Variants in MRTFB observed in about 807,000 individuals in gnomAD.
The protein encoded by MRTFB is myocardin-related transcription factor B.
MRTFB carries 29 observed loss-of-function variants against 104.2 expected under a neutral mutation model. The ratio of observed to expected loss-of-function variants is 0.28; its 90% CI spans 0.21 to 0.38. MRTFB has a LOEUF of 0.38. Ranked by LOEUF, MRTFB falls within the 10% of genes least tolerant of loss-of-function variation. The pLI, the probability that MRTFB is intolerant of heterozygous loss-of-function variation, is 1.00. For synonymous variants in MRTFB, 535 were observed against 519.5 expected, an observed-to-expected ratio of 1.03 and a Z score of -0.41; for missense variants, 1,270 against 1,341.6, an observed-to-expected ratio of 0.95 and a Z score of 0.83.
At chr16:14,200,508 G>C in intron 3 of MRTFB, 1 of 1,610,480 alleles carries the variant, frequency 6.2e-7, no homozygotes, top group African/African-American at 1.3e-5. Context: ...ATCATCGTCT[G>C]TCTTCTCTGT....
In MRTFB at chr16:14,266,366, C is replaced by G. The variant is rs899934350; in HGVS notation, c.*4922C>G. 6.6e-6 allele frequency: 1 copy of G among 152,126 alleles called. No individual in the cohort carries two copies. The highest frequency in any genetic ancestry group is 1.9e-4 in the East Asian group (1 of 5,182). 9.4% of individuals were successfully genotyped at this position (152,126 alleles called of 1,614,324 possible). A position where few individuals can be genotyped will look rare whatever the true frequency, so the allele number is the denominator to read the frequency against. On this transcript the variant is annotated 3_prime_UTR_variant, in exon 17 of 17. Transcript: ENST00000571589. ...GAAATGCAATGTGATAGGTGTTTCT[C>G]TTCTTATTTTCATTGTCACATTATG... is the stretch of plus-strand genomic sequence containing the variant.
chr16:14,184,106 T>C (rs1038484268), intron 3 of MRTFB, among the ~76,000 whole-genome samples: 2 of 151,436 alleles, frequency 1.3e-5, no homozygotes, highest in African/African-American at 2.4e-5. Flanking sequence ...TTGGCATTTA[T>C]TGTTTTCGTT....
chr16:14,259,421 C>CT (rs1365769491), intron 16 of MRTFB, among the ~76,000 whole-genome samples: 2 of 152,026 alleles, frequency 1.3e-5, no homozygotes, highest in Non-Finnish European at 2.9e-5. Flanking sequence ...TTCATCTTGT[C>CT]TACTAATATC....
chr16:14,191,530 T>C (rs2040183446), intron 3 of MRTFB, among the ~76,000 whole-genome samples: 1 of 152,244 alleles, frequency 6.6e-6, no homozygotes. Context: ...ATTAGCCCCA[T>C]AATATTTCTT....
At chr16:14,108,746 G>A (rs1362539595) in intron 2 of MRTFB, among the ~76,000 whole-genome samples, 4 of 152,174 alleles carry the variant, frequency 2.6e-5, no homozygotes, top group Admixed American at 1.3e-4. Context: ...CTGAAAAGCT[G>A]TAGTTATTGG....
the MRTFB span, among the ~76,000 whole-genome samples, chr16:14,004,040 C>T: frequency 2.0e-5 from 3 of 152,054 alleles, no homozygotes; most frequent in African/African-American, 4.8e-5. Flanking sequence ...TTTGAGGGTT[C>T]GTTGGGTGGT....
chr16:14,099,284 T>C (rs1472892476), intron 2 of MRTFB, among the ~76,000 whole-genome samples: 2 of 152,136 alleles, frequency 1.3e-5, no homozygotes, highest in African/African-American at 4.8e-5. Flanking sequence ...CTTACACATC[T>C]TTTGTCAGAT....
intron 15 of MRTFB, among the ~76,000 whole-genome samples, chr16:14,253,378 T>C (rs1163358818): frequency 6.6e-6 from 1 of 152,164 alleles, no homozygotes; most frequent in Non-Finnish European, 1.5e-5. Context: ...TACTGTTTAT[T>C]ATCCACGGCA....
At chr16:14,144,963 TA>T (rs1567380138) in intron 3 of MRTFB, among the ~76,000 whole-genome samples, 6 of 129,474 alleles carry the variant, frequency 4.6e-5, no homozygotes, top group African/African-American at 2.1e-4. Flanking sequence ...AAAAAAAAAA[TA>T]AATAAATATA....
chr16:14,061,031 A>G, the MRTFB span, among the ~76,000 whole-genome samples: 1 of 152,130 alleles, frequency 6.6e-6, no homozygotes. Flanking sequence ...CTGTAGTCCC[A>G]GCTACTCAGG....
intron 3 of MRTFB, among the ~76,000 whole-genome samples, chr16:14,186,488 G>A (rs1428480655): frequency 1.3e-5 from 2 of 152,362 alleles, no homozygotes; most frequent in Non-Finnish European, 1.5e-5. Flanking sequence ...TTAGGTATCA[G>A]CAAAGTCTTC....
chr16:14,021,007 TG>T, the MRTFB span: 1 of 152,270 alleles, frequency 6.6e-6, no homozygotes, highest in African/African-American at 2.4e-5. Context: ...GGTGTGCCTC[TG>T]ACAGCAGGAA....
intron 14 of MRTFB, 132 bp from the exon 15 acceptor site, chr16:14,252,233 G>A (rs1597382125): frequency 1.4e-6 from 2 of 1,403,200 alleles, no homozygotes; most frequent in Non-Finnish European, 1.9e-6. Context: ...CAGCCTCACA[G>A]GTGCTTAAAA....
intron 3 of MRTFB, among the ~76,000 whole-genome samples, chr16:14,201,467 T>G (rs1428003933): frequency 6.6e-6 from 1 of 152,224 alleles, no homozygotes; most frequent in Non-Finnish European, 1.5e-5. Flanking sequence ...AATTGTTAGT[T>G]TTTAATATGT....
At chr16:14,069,622 C>T (rs1217010205), upstream of MRTFB, among the ~76,000 whole-genome samples, 1 of 152,174 alleles carries the variant, frequency 6.6e-6, no homozygotes, top group African/African-American at 2.4e-5. Context: ...GTAACTGGAA[C>T]TCCAGGCATG....
At chr16:14,233,830 A>G (rs2151317096) in intron 8 of MRTFB, among the ~76,000 whole-genome samples, 1 of 147,680 alleles carries the variant, frequency 6.8e-6, no homozygotes, top group South Asian at 2.1e-4. Context: ...TTTTGATCAT[A>G]TATACAAGTG....
the MRTFB span, among the ~76,000 whole-genome samples, chr16:13,999,492 C>A: frequency 6.7e-6 from 1 of 148,612 alleles, no homozygotes; most frequent in Non-Finnish European, 1.5e-5. Flanking sequence ...TCGTCTAGAG[C>A]CTTCTGGCAA....
chr16:14,201,972 T>A (rs970681458), intron 3 of MRTFB, among the ~76,000 whole-genome samples: 5 of 152,168 alleles, frequency 3.3e-5, no homozygotes, highest in Non-Finnish European at 1.5e-5. Flanking sequence ...GTTGAAGTCT[T>A]AATCAGCAGA....
intron 3 of MRTFB, chr16:14,142,275 C>G (rs1434382398): frequency 7.7e-6 from 1 of 129,232 alleles, no homozygotes; most frequent in African/African-American, 3.1e-5. Context: ...GAGACGGAGT[C>G]TCACTCTGTC....
Sources: gnomAD v4.1 joint callset for allele counts (sites outside exome capture counted in the v4.1 genomes callset) on GRCh38, gnomAD v4.1.1 for gene constraint, MANE v1.5 for transcripts, NCBI Gene and HGNC (gene_info 2026-07-23, HGNC 2026-07-21) for gene names.